The following PPIG variants were observed in gnomAD, a reference collection of about 807,000 sequenced individuals.
PPIG encodes peptidylprolyl isomerase G.
A neutral mutation model predicts 87.9 loss-of-function variants in PPIG; 26 were observed. The observed-to-expected ratio is 0.30, with a 90% CI of 0.22 to 0.41. The LOEUF is 0.41. Ranked by LOEUF, PPIG falls within the 10% of genes least tolerant of loss-of-function variation. The pLI is 1.00. For missense variants in PPIG, 722 were observed against 879.4 expected (o/e 0.82, Z 2.26); for synonymous variants, 308 against 276.5 (o/e 1.11, Z -1.13).
Position 169,636,872 on chromosome 2 carries a change from G to A in PPIG, c.1614G>A (p.Lys538=). 2 of 1,613,818 alleles carry A rather than the reference G, an allele frequency of 1.2e-6. No individual in the cohort carries two copies. Among genetic ancestry groups the A allele is most frequent in the Non-Finnish European group, 1.7e-6 (2 of 1,179,948 alleles). Residue 538 remains lysine (K), a synonymous_variant, in exon 14 of 14, where the codon AAG becomes AAA. Coordinates refer to ENST00000260970, the MANE Select transcript of PPIG (RefSeq NM_004792.3). The part of the protein sequence containing the change: ...NEHDHSKSKE[K]DRRAQSRSRE... The stretch of plus-strand genomic sequence containing the variant: ...ATGATCACAGTAAAAGTAAGGAAAA[G>A]GATAGACGCGCACAATCCAGGAGTA...
In PPIG at chr2:169,638,970, TTCTTGGTAAA is replaced by T. The variant is rs1385362780; in HGVS notation, c.*1450_*1459del. The T allele has an allele frequency of 3.3e-5, 5 of 152,024 alleles. No individual in the cohort carries two copies. The highest frequency in any genetic ancestry group is 7.4e-5 in the Non-Finnish European group (5 of 67,930). 9.4% of individuals were successfully genotyped at this position (152,024 alleles called of 1,614,324 possible). On this transcript the variant is annotated 3_prime_UTR_variant, in exon 14 of 14. Transcript: ENST00000260970. ...GTGTCAACTCTGTTACCAAGGTAGC[TTCTTGGTAAA>T]TCCAGTAGCTACTCAATGCTATTTG...
intron 1 of PPIG, among the ~76,000 whole-genome samples, chr2:169,585,478 G>A (rs890668460): frequency 5.3e-5 from 8 of 151,872 alleles, no homozygotes; most frequent in Non-Finnish European, 1.2e-4. Flanking sequence ...AGCCAGGATG[G>A]TCGATCTCCT....
At chr2:169,615,305 C>T (rs928860342) in intron 9 of PPIG, among the ~76,000 whole-genome samples, 1 of 152,174 alleles carries the variant, frequency 6.6e-6, no homozygotes, top group Non-Finnish European at 1.5e-5. Context: ...CCTTGGCCCC[C>T]CAAAGTGCTG....
rs142376467 is a variant in PPIG at position 169,594,488 on chromosome 2, T to C, written c.-69-9154T>C. ...TATGGTGTAAATCCTGTCTTTTTAA[T>C]GTGCTTACTGATACGTGTGAAATTG... On this transcript the variant is annotated intron_variant, in intron 1 of 13. Coordinates refer to ENST00000260970, the MANE Select transcript of PPIG (RefSeq NM_004792.3). Among the ~76,000 whole-genome samples, 17 of 152,266 alleles carry C rather than the reference T, an allele frequency of 1.1e-4. No homozygotes were observed. In the East Asian group the frequency reaches 3.1e-3, roughly 28 times the overall value.
intron 2 of PPIG, 85 bp downstream of exon 2, chr2:169,603,779 T>C (rs900462549): frequency 2.8e-5 from 13 of 463,864 alleles, no homozygotes; most frequent in East Asian, 2.6e-4. Flanking sequence ...GGTTGATAAA[T>C]AGAAAGTTGA....
intron 12 of PPIG, among the ~76,000 whole-genome samples, chr2:169,634,909 G>A (rs1291191964): frequency 9.9e-5 from 15 of 152,058 alleles, no homozygotes; most frequent in Admixed American, 9.8e-4. Context: ...ACTTCTGTTG[G>A]TGTGGGTTAT....
At chr2:169,635,394 T>C (rs1353006470) in intron 12 of PPIG, among the ~76,000 whole-genome samples, 2 of 152,226 alleles carry the variant, frequency 1.3e-5, no homozygotes, top group Non-Finnish European at 2.9e-5. Context: ...AAGCATGCTA[T>C]GTTTCTTCTT....
intron 4 of PPIG, among the ~76,000 whole-genome samples, chr2:169,604,613 T>A (rs2105487407): frequency 6.6e-6 from 1 of 152,154 alleles, no homozygotes; most frequent in East Asian, 1.9e-4. Flanking sequence ...CAGTGGCTCA[T>A]GTCTGTAATC....
chr2:169,585,352 C>T (rs927850174), intron 1 of PPIG, among the ~76,000 whole-genome samples: 2 of 148,302 alleles, frequency 1.3e-5, no homozygotes, highest in African/African-American at 5.0e-5. Flanking sequence ...ACCTCCGCCT[C>T]CTGGGTTCAA....
intron 7 of PPIG, among the ~76,000 whole-genome samples, chr2:169,612,032 G>T (rs1371849757): frequency 6.6e-6 from 1 of 152,144 alleles, no homozygotes; most frequent in Non-Finnish European, 1.5e-5. Flanking sequence ...CTAGAGTGCA[G>T]TGGCACAATC....
intron 4 of PPIG, among the ~76,000 whole-genome samples, chr2:169,605,807 A>C (rs189275426): frequency 3.3e-5 from 5 of 152,284 alleles, no homozygotes; most frequent in East Asian, 1.9e-4. Flanking sequence ...TCAAAAAAAA[A>C]CCTAAAACCA....
intron 7 of PPIG, among the ~76,000 whole-genome samples, chr2:169,609,652 C>A (rs1225254328): frequency 6.6e-6 from 1 of 151,952 alleles, no homozygotes; most frequent in Non-Finnish European, 1.5e-5. Context: ...CAAATAGGAA[C>A]CAGCAGTCTA....
In PPIG at chr2:169,637,802, C is replaced by T. The variant is rs992101038; in HGVS notation, c.*279C>T. On this transcript the variant is annotated 3_prime_UTR_variant, in exon 14 of 14. Coordinates refer to ENST00000260970, the MANE Select transcript of PPIG (RefSeq NM_004792.3). ...ATTTTATGTATGCATTACTGTGTTGCAACAATTAGCCAATAGCATCCTAAT... is the reference window on the plus strand; with the variant it reads ...ATTTTATGTATGCATTACTGTGTTGTAACAATTAGCCAATAGCATCCTAAT... The T allele has an allele frequency of 4.4e-6, 1 of 228,440 alleles. No homozygotes were observed. Among genetic ancestry groups the T allele is most frequent in the Non-Finnish European group, 8.4e-6 (1 of 118,436 alleles). 14.2% of individuals were successfully genotyped at this position (228,440 alleles called of 1,614,324 possible). A position where few individuals can be genotyped will look rare whatever the true frequency, so the allele number is the denominator to read the frequency against.
chr2:169,597,125 CTTTT>C (rs1461137503), intron 1 of PPIG, among the ~76,000 whole-genome samples: 1 of 152,076 alleles, frequency 6.6e-6, no homozygotes, highest in Admixed American at 6.6e-5. Context: ...GATTTCCTTT[CTTTT>C]GAGTGTATAC....
rs541608859 is a variant in PPIG at position 169,629,799 on chromosome 2, A to G, written c.548-975A>G. 2.6e-5 allele frequency among the ~76,000 whole-genome samples: 4 copies of G among 152,310 alleles called. No homozygotes were observed. In the East Asian group the frequency reaches 7.7e-4, roughly 29 times the overall value. ...AATTTCTTTTTCATTTATTCCTGGAATGCTTCTGACAAAGAGCTATTTCCC... is the reference window on the plus strand; with the variant it reads ...AATTTCTTTTTCATTTATTCCTGGAGTGCTTCTGACAAAGAGCTATTTCCC... On this transcript the variant is annotated intron_variant, in intron 9 of 13. Transcript: ENST00000260970.
intron 1 of PPIG, among the ~76,000 whole-genome samples, chr2:169,590,655 A>T (rs1193809529): frequency 6.6e-6 from 1 of 152,072 alleles, no homozygotes; most frequent in Non-Finnish European, 1.5e-5. Context: ...AAAAACAAAC[A>T]AACAAACAGA....
chr2:169,629,606 C>T (rs537560302), intron 9 of PPIG, among the ~76,000 whole-genome samples: 12 of 152,248 alleles, frequency 7.9e-5, no homozygotes, highest in African/African-American at 2.9e-4. Context: ...CTGGATTTTA[C>T]TAATTGAGTC....
At chr2:169,585,183 G>A (rs1185939777) in intron 1 of PPIG, among the ~76,000 whole-genome samples, 1 of 152,068 alleles carries the variant, frequency 6.6e-6, no homozygotes, top group African/African-American at 2.4e-5. Flanking sequence ...CTTTTAGGAG[G>A]AGATAATTAC....
Position 169,641,047 on chromosome 2 carries a change from G to T in PPIG, c.*3524G>T, listed in dbSNP as rs191819096. 2 of 152,206 alleles carry T rather than the reference G, an allele frequency of 1.3e-5. No individual in the cohort carries two copies. The highest frequency in any genetic ancestry group is 3.9e-4 in the East Asian group (2 of 5,188). 9.4% of individuals were successfully genotyped at this position (152,206 alleles called of 1,614,324 possible). A position where few individuals can be genotyped will look rare whatever the true frequency, so the allele number is the denominator to read the frequency against. ...CCATATGTTACCAAAAGCACATGCTGTATATTTTCTTCCCCTTTTGTGTGT... is the reference window on the plus strand; with the variant it reads ...CCATATGTTACCAAAAGCACATGCTTTATATTTTCTTCCCCTTTTGTGTGT... On this transcript the variant is annotated 3_prime_UTR_variant, in exon 14 of 14. Transcript: ENST00000260970.
Sources: allele counts gnomAD v4.1 joint callset (sites outside exome capture counted in the v4.1 genomes callset), GRCh38; gene constraint gnomAD v4.1.1; transcripts MANE v1.5; gene names NCBI Gene and HGNC (gene_info 2026-07-23, HGNC 2026-07-21).